FAM13A: variants seen among roughly 807,000 people sequenced by gnomAD.
FAM13A encodes family with sequence similarity 13 member A.
In FAM13A, 76 loss-of-function variants were observed where a neutral mutation model predicts 129.6. The ratio of observed to expected loss-of-function variants is 0.59; its 90% confidence interval spans 0.49 to 0.71. FAM13A has a LOEUF of 0.71. FAM13A is among the 30% of genes least tolerant of loss of function. The probability of loss-of-function intolerance (pLI) is 0.00; values close to 1 mark genes in which losing one functional copy is unlikely to be tolerated. For synonymous variants in FAM13A, 443 were observed against 449.9 expected (o/e 0.98, Z 0.20); for missense variants, 1,108 against 1,249.3 (o/e 0.89, Z 1.70).
At chr4:88,748,766 C>T (rs181054770) in intron 17 of FAM13A, among the ~76,000 whole-genome samples, 186 bp downstream of exon 17, 3 of 152,312 alleles carry the variant, frequency 2.0e-5, no homozygotes, top group Admixed American at 1.3e-4. Flanking sequence ...CTTAGCTGAT[C>T]GGGTTGCCCT....
chr4:88,881,119 C>T (rs781374365), intron 6 of FAM13A, among the ~76,000 whole-genome samples: 2 of 152,204 alleles, frequency 1.3e-5, no homozygotes, highest in African/African-American at 2.4e-5. Flanking sequence ...CCCTATACTG[C>T]CACAGCTAAT....
intron 7 of FAM13A, among the ~76,000 whole-genome samples, chr4:88,828,711 T>C (rs1733423858): frequency 6.6e-6 from 1 of 152,174 alleles, no homozygotes; most frequent in African/African-American, 2.4e-5. Flanking sequence ...TATCAAGCAA[T>C]ATTCTACCCA....
At chr4:88,904,013 A>T (rs1747749689) in intron 6 of FAM13A, among the ~76,000 whole-genome samples, 1 of 152,230 alleles carries the variant, frequency 6.6e-6, no homozygotes, top group Non-Finnish European at 1.5e-5. Flanking sequence ...CAATCAGGAA[A>T]ATAAGCTCAA....
At chr4:88,748,596 G>A (rs1315043122) in intron 17 of FAM13A, among the ~76,000 whole-genome samples, 1 of 152,162 alleles carries the variant, frequency 6.6e-6, no homozygotes, top group African/African-American at 2.4e-5. Flanking sequence ...AGGGATGGAG[G>A]CCATACCCTT....
chr4:88,977,564 T>C (rs1308036812), intron 4 of FAM13A, among the ~76,000 whole-genome samples: 1 of 152,330 alleles, frequency 6.6e-6, no homozygotes, highest in Admixed American at 6.5e-5. Flanking sequence ...AAATACATTA[T>C]TATTTCATAT....
intron 4 of FAM13A, among the ~76,000 whole-genome samples, chr4:88,980,945 T>A (rs138167292): frequency 3.9e-5 from 6 of 152,200 alleles, no homozygotes; most frequent in Non-Finnish European, 5.9e-5. Flanking sequence ...TGAAGACCAA[T>A]AGCAGTTTTA....
intron 4 of FAM13A, among the ~76,000 whole-genome samples, chr4:88,950,824 A>G (rs1472697340): frequency 6.6e-6 from 1 of 152,228 alleles, no homozygotes; most frequent in African/African-American, 2.4e-5. Context: ...ATTAACAGTG[A>G]CGGGTCAATA....
intron 4 of FAM13A, among the ~76,000 whole-genome samples, chr4:88,988,152 A>C (rs891376800): frequency 3.3e-5 from 5 of 152,124 alleles, no homozygotes; most frequent in Non-Finnish European, 7.4e-5. Flanking sequence ...AATTAAATTA[A>C]ATTTTTTTCA....
At chr4:89,013,399 A>G (rs1849597) in intron 3 of FAM13A, among the ~76,000 whole-genome samples, 117,965 of 151,456 alleles carry the variant, frequency 0.78, 46,146 homozygotes, top group Middle Eastern at 0.87. Context: ...AATTATGAAA[A>G]AATAAGTTTA....
At chr4:88,952,671 G>A (rs558116832) in intron 4 of FAM13A, among the ~76,000 whole-genome samples, 22 of 152,282 alleles carry the variant, frequency 1.4e-4, no homozygotes, top group African/African-American at 3.1e-4. Flanking sequence ...CTTGAGGCCC[G>A]GTACAGTGGC....
At chr4:88,845,517 T>A (rs1205438951) in intron 7 of FAM13A, among the ~76,000 whole-genome samples, 1 of 152,060 alleles carries the variant, frequency 6.6e-6, no homozygotes, top group East Asian at 1.9e-4. Flanking sequence ...GGAAGGAACA[T>A]CGCAGCAGGA....
intron 7 of FAM13A, among the ~76,000 whole-genome samples, chr4:88,843,400 T>C (rs1228720976): frequency 4.6e-5 from 7 of 152,234 alleles, no homozygotes; most frequent in Non-Finnish European, 1.0e-4. Flanking sequence ...CTAAGAATCC[T>C]TGCTTCATTT....
intron 5 of FAM13A, among the ~76,000 whole-genome samples, chr4:88,924,449 G>A (rs1257316264): frequency 6.6e-6 from 1 of 152,128 alleles, no homozygotes; most frequent in African/African-American, 2.4e-5. Flanking sequence ...AACAAGAAAT[G>A]GGGAAAGGGT....
At chr4:88,852,952 C>G (rs558468918) in intron 6 of FAM13A, among the ~76,000 whole-genome samples, 1 of 151,994 alleles carries the variant, frequency 6.6e-6, no homozygotes, top group Non-Finnish European at 1.5e-5. Context: ...CAAAACCAAA[C>G]AACACACGCA....
chr4:88,902,831 A>T (rs576218088), intron 6 of FAM13A, among the ~76,000 whole-genome samples: 3 of 152,330 alleles, frequency 2.0e-5, no homozygotes, highest in Admixed American at 6.5e-5. Context: ...CCCTGTTTTC[A>T]TATGACATGA....
At chr4:88,881,253 G>C (rs1743513635) in intron 6 of FAM13A, among the ~76,000 whole-genome samples, 1 of 152,168 alleles carries the variant, frequency 6.6e-6, no homozygotes, top group South Asian at 2.1e-4. Context: ...CACTTAAGTG[G>C]GGGCTCGTAT....
At position 89,020,509 on chromosome 4, in the gene FAM13A, G is replaced by A. The variant is rs1369469561; in HGVS notation, c.378C>T (p.Asp126=). 2.5e-6 allele frequency: 4 copies of A among 1,613,936 alleles called. No individual in the cohort carries two copies. Among genetic ancestry groups the A allele is most frequent in the African/African-American group, 2.7e-5 (2 of 74,898 alleles). ...GCTGCAACGCTGAGGTGATCAGACT[G>A]TCAGGCAGCTCCCTCAGAAACAGCT... ...LLKLFLRELP[D]SLITSALQPR... is the part of the protein sequence containing the mutation. Residue 126 remains aspartate (D), a synonymous_variant, in exon 3 of 24, where the codon GAC becomes GAT. Coordinates refer to ENST00000264344, the MANE Select transcript of FAM13A (RefSeq NM_014883.4).
intron 7 of FAM13A, among the ~76,000 whole-genome samples, chr4:88,842,380 G>A (rs1055820124): frequency 6.6e-5 from 10 of 152,254 alleles, no homozygotes; most frequent in African/African-American, 2.2e-4. Flanking sequence ...AACCACAGAA[G>A]CGTAAACCAG....
intron 13 of FAM13A, 111 bp from the exon 14 acceptor site, chr4:88,759,012 G>C: frequency 8.9e-7 from 1 of 1,120,250 alleles, no homozygotes; most frequent in Admixed American, 2.3e-5. Flanking sequence ...AGCTGCTAAT[G>C]CATCCAGCAC....
Sources: allele counts gnomAD v4.1 joint callset (sites outside exome capture counted in the v4.1 genomes callset), GRCh38; gene constraint gnomAD v4.1.1; transcripts MANE v1.5; gene names NCBI Gene and HGNC (gene_info 2026-07-23, HGNC 2026-07-21).